Variants in RGS6 observed in about 807,000 individuals in gnomAD.
RGS6 encodes regulator of G protein signaling 6.
Under a neutral mutation model 78.5 loss-of-function variants are expected in RGS6, and 30 were observed. That is an observed-to-expected ratio of 0.38 (90% confidence interval 0.29 to 0.52). RGS6 has a LOEUF of 0.52. Among genes scored for constraint, RGS6 ranks in the 20% least tolerant of loss-of-function variants. The pLI, the probability that RGS6 is intolerant of heterozygous loss-of-function variation, is 0.85. For missense variants in RGS6, 495 were observed against 609.7 expected (o/e 0.81, Z 1.98); for synonymous variants, 206 against 206.0 (o/e 1.00, Z 0.00).
At chr14:72,371,149 T>A (rs2083434716) in intron 3 of RGS6, among the ~76,000 whole-genome samples, 1 of 152,244 alleles carries the variant, frequency 6.6e-6, no homozygotes, top group African/African-American at 2.4e-5. Flanking sequence ...AACTTCACTG[T>A]AACATGTTTT....
At chr14:72,083,673 T>A (rs369967002) in intron 2 of RGS6, among the ~76,000 whole-genome samples, 3 of 152,234 alleles carry the variant, frequency 2.0e-5, no homozygotes, top group African/African-American at 7.2e-5. Flanking sequence ...CCAACCACAT[T>A]GAATTTCATG....
intron 3 of RGS6, among the ~76,000 whole-genome samples, chr14:72,436,435 AACAG>A (rs1286004353): frequency 1.3e-5 from 2 of 149,658 alleles, no homozygotes; most frequent in African/African-American, 2.4e-5. Flanking sequence ...GTGTTCCAAA[AACAG>A]ACAGTATGTT....
intron 14 of RGS6, among the ~76,000 whole-genome samples, chr14:72,517,977 C>T (rs948553630): frequency 2.0e-5 from 3 of 152,166 alleles, no homozygotes; most frequent in African/African-American, 4.8e-5. Context: ...CTATTGGCAT[C>T]TAGTGGGTAG....
At chr14:72,449,613 A>G (rs1438326278) in intron 3 of RGS6, among the ~76,000 whole-genome samples, 1 of 152,234 alleles carries the variant, frequency 6.6e-6, no homozygotes, top group East Asian at 1.9e-4. Flanking sequence ...CAGCATGGAA[A>G]GGCACCAGGA....
intron 2 of RGS6, among the ~76,000 whole-genome samples, chr14:72,062,982 C>T (rs1015669152): frequency 6.6e-6 from 1 of 152,134 alleles, no homozygotes. Context: ...CACCACCACG[C>T]CCAGGTAATT....
At chr14:72,300,783 G>A (rs909403575) in intron 2 of RGS6, among the ~76,000 whole-genome samples, 6 of 152,186 alleles carry the variant, frequency 3.9e-5, no homozygotes, top group African/African-American at 1.4e-4. Flanking sequence ...TTGTCAAAAG[G>A]AGCTGAAGTG....
At chr14:72,621,323 T>C in the RGS6 span, among the ~76,000 whole-genome samples, 1 of 152,122 alleles carries the variant, frequency 6.6e-6, no homozygotes, top group East Asian at 1.9e-4. Context: ...GCTCGGAAAC[T>C]GTTTGTGATC....
At chr14:71,904,144 A>G in the RGS6 span, among the ~76,000 whole-genome samples, 1 of 152,116 alleles carries the variant, frequency 6.6e-6, no homozygotes, top group Non-Finnish European at 1.5e-5. Flanking sequence ...TCCAGCGTCT[A>G]TTTCCTCTTT....
Position 72,338,311 on chromosome 14 carries a change from C to T in RGS6, c.85-13784C>T, listed in dbSNP as rs149982737. Among the ~76,000 whole-genome samples, 15 of 152,174 alleles carry T rather than the reference C, an allele frequency of 9.9e-5. No homozygotes were observed. The East Asian group carries it at 1.4e-3, about 14-fold the overall frequency. On this transcript the variant is annotated intron_variant, in intron 2 of 17. Coordinates refer to ENST00000553525, the MANE Select transcript of RGS6 (RefSeq NM_001204424.2). ...GAGGCCTCACAATCATGGCAGAAGGCGAAAGGCACATCTTACATGGTGGCA... is the reference window on the plus strand; with the variant it reads ...GAGGCCTCACAATCATGGCAGAAGGTGAAAGGCACATCTTACATGGTGGCA...
intron 2 of RGS6, among the ~76,000 whole-genome samples, chr14:72,105,288 T>C (rs2095611285): frequency 6.6e-6 from 1 of 152,226 alleles, no homozygotes; most frequent in Non-Finnish European, 1.5e-5. Context: ...AAGTAAAATT[T>C]TATTTGTACT....
At chr14:72,606,748 G>A in the RGS6 span, among the ~76,000 whole-genome samples, 30,744 of 152,106 alleles carry the variant, frequency 0.2, 5,721 homozygotes, top group African/African-American at 0.49. Flanking sequence ...TGTTTGGGTC[G>A]TGGGGGTGGA....
chr14:72,617,605 G>A, the RGS6 span, among the ~76,000 whole-genome samples: 8 of 152,164 alleles, frequency 5.3e-5, no homozygotes, highest in Admixed American at 5.2e-4. Context: ...GACCCCCATC[G>A]CTTGCCACAG....
chr14:72,621,861 A>C, the RGS6 span, among the ~76,000 whole-genome samples: 20 of 152,346 alleles, frequency 1.3e-4, no homozygotes, highest in Non-Finnish European at 1.6e-4. Context: ...AAGCCAGATG[A>C]TACAGCCACC....
intron 2 of RGS6, among the ~76,000 whole-genome samples, chr14:72,226,733 T>C (rs567887074): frequency 6.6e-6 from 1 of 152,358 alleles, no homozygotes; most frequent in East Asian, 1.9e-4. Context: ...GACAGAGTCA[T>C]GCTGTGTAGC....
chr14:72,089,522 C>G lies in RGS6; in HGVS notation c.84+124647C>G, dbSNP rs138868670. Among the ~76,000 whole-genome samples the G allele has an allele frequency of 4.7e-4, 71 of 152,220 alleles. 2 individuals carry two copies. In the East Asian group the frequency reaches 0.011, roughly 24 times the overall value. ...TACAATGTATCTTTCCTGTTAGATA[C>G]GAAGATTATCTGCTCTATCCAATTT... On this transcript the variant is annotated intron_variant, in intron 2 of 17. Transcript: ENST00000553525.
intron 2 of RGS6, among the ~76,000 whole-genome samples, chr14:72,146,670 CAT>C (rs1046616750): frequency 1.3e-5 from 2 of 152,176 alleles, no homozygotes; most frequent in African/African-American, 4.8e-5. Context: ...GGAAAAACAA[CAT>C]AAAGTCGTAA....
At chr14:71,950,402 C>T (rs1156572200) in intron 1 of RGS6, among the ~76,000 whole-genome samples, 1 of 152,172 alleles carries the variant, frequency 6.6e-6, no homozygotes, top group Non-Finnish European at 1.5e-5. Context: ...CTCTTCCTTA[C>T]ACCTTATCCA....
At chr14:72,270,591 A>C (rs1194008859) in intron 2 of RGS6, among the ~76,000 whole-genome samples, 2 of 152,266 alleles carry the variant, frequency 1.3e-5, no homozygotes, top group Non-Finnish European at 2.9e-5. Flanking sequence ...CCAGGCTTTC[A>C]GAGAAAGAGA....
Position 71,980,561 on chromosome 14 carries a change from C to A in RGS6, c.84+15686C>A, listed in dbSNP as rs1343734565. Among the ~76,000 whole-genome samples, 5 of 63,710 alleles carry A rather than the reference C, an allele frequency of 7.8e-5. 1 individual carries two copies. The highest frequency in any genetic ancestry group is 1.6e-4 in the Non-Finnish European group (5 of 31,424). The allele number at this position is 63,710 out of a possible 152,430, so 41.8% of individuals were successfully genotyped here. A position where few individuals can be genotyped will look rare whatever the true frequency, so the allele number is the denominator to read the frequency against. ...GATATGAAATTCTGGATTGAAAATT[C>A]TTTTCTTTAAGAATGTTGAATATTG... On this transcript the variant is annotated intron_variant, in intron 2 of 17. Transcript: ENST00000553525.
Sources: gnomAD v4.1 joint callset for allele counts (sites outside exome capture counted in the v4.1 genomes callset) on GRCh38, gnomAD v4.1.1 for gene constraint, MANE v1.5 for transcripts, NCBI Gene and HGNC (gene_info 2026-07-23, HGNC 2026-07-21) for gene names.